Variants in SLC23A2 observed in about 807,000 individuals in gnomAD.
SLC23A2 encodes the protein solute carrier family 23 member 2, also known as Na(+)/L-ascorbic acid transporter 2.
SLC23A2 carries 36 observed loss-of-function variants against 73.3 expected under a neutral mutation model. The observed-to-expected ratio is 0.49, with a 90% CI of 0.38 to 0.65. SLC23A2 has a LOEUF of 0.65. Among genes scored for constraint, SLC23A2 ranks in the 30% least tolerant of loss-of-function variants. SLC23A2 has a pLI of 0.00. For synonymous variants in SLC23A2, 343 were observed against 327.3 expected (o/e 1.05, Z -0.52); for missense variants, 507 against 841.6 (o/e 0.60, Z 4.92).
chr20:5,006,923 C>T (rs1416053622), intron 1 of SLC23A2, among the ~76,000 whole-genome samples: 1 of 150,864 alleles, frequency 6.6e-6, no homozygotes, highest in African/African-American at 2.4e-5. Flanking sequence ...GGCTGCGTGG[C>T]AGGACCAAGA....
At chr20:4,941,121 A>C (rs1416988306) in intron 2 of SLC23A2, among the ~76,000 whole-genome samples, 4 of 151,566 alleles carry the variant, frequency 2.6e-5, no homozygotes, top group Non-Finnish European at 5.9e-5. Context: ...GCACCACTAC[A>C]CTCCAGCCTG....
intron 4 of SLC23A2, among the ~76,000 whole-genome samples, chr20:4,909,463 C>T (rs530198065): frequency 6.6e-6 from 1 of 152,180 alleles, no homozygotes; most frequent in Admixed American, 6.5e-5. Flanking sequence ...TACTATTAGA[C>T]AATCATGTTA....
At position 4,998,978 on chromosome 20, in the gene SLC23A2, T is replaced by C. The variant is rs1401520543; in HGVS notation, c.-282+2428A>G. Among the ~76,000 whole-genome samples, 4 of 151,998 alleles carry C rather than the reference T, an allele frequency of 2.6e-5. No individual in the cohort carries two copies. Among genetic ancestry groups the C allele is most frequent in the Non-Finnish European group, 4.4e-5 (3 of 68,004 alleles). ...CGCCACCATGCCCGGCTAACTTTTG[T>C]ATTTTTAGTAGAGACGAGGTTTCAC... On this transcript the variant is annotated intron_variant, in intron 1 of 16. Coordinates refer to ENST00000338244, the MANE Select transcript of SLC23A2 (RefSeq NM_005116.6). The surrounding 1 kb of genome is among the most constrained non-coding windows in gnomAD (Gnocchi z 4.1).
rs187699541 is a variant in SLC23A2 at position 4,874,945 on chromosome 20, T to C, written c.825-249A>G. On this transcript the variant is annotated intron_variant, in intron 9 of 16. Transcript: ENST00000338244. ...TCTTGATACTGAAATGAAATTCTGATGTAAATGCCTTAGGACAGCTTTTCC... is the reference window on the plus strand; with the variant it reads ...TCTTGATACTGAAATGAAATTCTGACGTAAATGCCTTAGGACAGCTTTTCC... Among the ~76,000 whole-genome samples the C allele has an allele frequency of 4.6e-5, 7 of 152,358 alleles. No homozygotes were observed. In the East Asian group the frequency reaches 1.3e-3, roughly 29 times the overall value.
intron 13 of SLC23A2, among the ~76,000 whole-genome samples, chr20:4,864,889 T>G (rs1355161067): frequency 2.6e-5 from 4 of 152,218 alleles, no homozygotes; most frequent in Non-Finnish European, 5.9e-5. Context: ...AGGGCCAAAC[T>G]GGCCCCAGGG....
chr20:4,912,825 A>G, intron 4 of SLC23A2, 55 bp downstream of exon 4: 1 of 1,120,662 alleles, frequency 8.9e-7, no homozygotes, highest in South Asian at 1.2e-5. Flanking sequence ...CCGGGGCAGC[A>G]CTTGTGGGAG....
Position 4,883,756 on chromosome 20 carries a change from G to T in SLC23A2, c.710C>A (p.Ala237Asp), listed in dbSNP as rs1270216459. ...VVIGLLGLPG[A>D]LLKYIGPLTI... is the part of the protein sequence containing the mutation. ...CAAGGGACCGATGTACTTCAGTAGA[G>T]CCCCAGGCAGGCCGAGGAGGCCGAT... The change falls in exon 9 of 17, where the codon GCT (alanine) becomes GAT (aspartate). Residue 237 changes from alanine (A) to aspartate (D), a missense_variant. This residue lies in a region of SLC23A2 where 217 missense variants were observed against 398.0 expected (regional missense o/e 0.55). Transcript: ENST00000338244. This position sits in a 1 kb window ranked among gnomAD's most constrained non-coding sequence, Gnocchi z 4.5. 6.2e-7 allele frequency: 1 copy of T among 1,613,720 alleles called. No individual in the cohort carries two copies. Among genetic ancestry groups the T allele is most frequent in the Non-Finnish European group, 8.5e-7 (1 of 1,179,798 alleles).
intron 2 of SLC23A2, among the ~76,000 whole-genome samples, chr20:4,963,556 T>C (rs2087426046): frequency 1.3e-5 from 2 of 150,940 alleles, no homozygotes; most frequent in Admixed American, 1.3e-4. Flanking sequence ...AAAAAAAATG[T>C]AAAAAATCTG....
intron 2 of SLC23A2, among the ~76,000 whole-genome samples, chr20:4,946,209 A>G (rs1776947): frequency 0.14 from 21,843 of 152,138 alleles, 2,580 homozygotes; most frequent in African/African-American, 0.32. Flanking sequence ...TACCACTGCC[A>G]AGTTCCATCT....
At chr20:4,982,597 C>T (rs556936054) in intron 1 of SLC23A2, among the ~76,000 whole-genome samples, 86 of 152,202 alleles carry the variant, frequency 5.7e-4, no homozygotes, top group African/African-American at 1.9e-3. Flanking sequence ...ACTCCCACTA[C>T]CCCATTTCAA....
At chr20:4,972,901 GA>G (rs1379235793) in intron 1 of SLC23A2, among the ~76,000 whole-genome samples, 1 of 152,098 alleles carries the variant, frequency 6.6e-6, no homozygotes, top group African/African-American at 2.4e-5. Context: ...ATGTTTATCA[GA>G]AATTTGCAAT....
chr20:4,942,374 C>CAAAAAAAAAA lies in SLC23A2; in HGVS notation c.-154-9668_-154-9659dup, dbSNP rs1216270773. On this transcript the variant is annotated intron_variant, in intron 2 of 16. Coordinates refer to ENST00000338244, the MANE Select transcript of SLC23A2 (RefSeq NM_005116.6). ...AGGAAGCAGGAAATCGCTACAGTCTCAAAAAAAAAAAAAAAAAAAAAGTCG... is the reference window on the plus strand; with the variant it reads ...AGGAAGCAGGAAATCGCTACAGTCTCAAAAAAAAAAAAAAAAAAAAAAAAAAAAAAAGTCG... Among the ~76,000 whole-genome samples, 340 of 47,356 alleles carry CAAAAAAAAAA rather than the reference C, an allele frequency of 7.2e-3. 2 individuals are homozygous for CAAAAAAAAAA. The highest frequency in any genetic ancestry group is 0.022 in the African/African-American group (326 of 14,744). 31.1% of individuals were successfully genotyped at this position (47,356 alleles called of 152,430 possible). A position where few individuals can be genotyped will look rare whatever the true frequency, so the allele number is the denominator to read the frequency against.
At chr20:4,903,089 G>GGA (rs11472731) in intron 4 of SLC23A2, among the ~76,000 whole-genome samples, 124,110 of 151,706 alleles carry the variant, frequency 0.82, 50,940 homozygotes, top group Non-Finnish European at 0.83. Flanking sequence ...GGTGAAAAGA[G>GGA]TAATTCTAAA....
intron 2 of SLC23A2, among the ~76,000 whole-genome samples, chr20:4,943,556 T>G (rs528872064): frequency 6.6e-6 from 1 of 150,872 alleles, no homozygotes; most frequent in East Asian, 1.9e-4. Flanking sequence ...CCGCCTGTAG[T>G]CCCAGTTATT....
rs1382436093 is a variant in SLC23A2 at position 4,947,218 on chromosome 20, A to G, written c.-154-14502T>C. On this transcript the variant is annotated intron_variant, in intron 2 of 16. Transcript: ENST00000338244. This position sits in a 1 kb window ranked among gnomAD's most constrained non-coding sequence, Gnocchi z 4.4. ...GCAGGGACACAGTGTCCAATGCATAAAAGGCATTCAAATACTTGGGGAAAT... is the reference window on the plus strand; with the variant it reads ...GCAGGGACACAGTGTCCAATGCATAGAAGGCATTCAAATACTTGGGGAAAT... Among the ~76,000 whole-genome samples, 1 of 152,176 alleles carries G rather than the reference A, an allele frequency of 6.6e-6. No homozygotes were observed. The highest frequency in any genetic ancestry group is 2.4e-5 in the African/African-American group (1 of 41,448).
intron 2 of SLC23A2, among the ~76,000 whole-genome samples, chr20:4,948,705 A>G (rs758438342): frequency 2.6e-5 from 4 of 152,222 alleles, no homozygotes; most frequent in Non-Finnish European, 5.9e-5. Context: ...CCTGTATGTT[A>G]TACACTCTTT....
chr20:4,939,049 C>G (rs1472192232), intron 2 of SLC23A2, among the ~76,000 whole-genome samples: 1 of 152,002 alleles, frequency 6.6e-6, no homozygotes, highest in Non-Finnish European at 1.5e-5. Flanking sequence ...TGAGAACAAC[C>G]TGGGCAAGAT....
At chr20:4,968,706 G>A (rs1055138285) in intron 2 of SLC23A2, among the ~76,000 whole-genome samples, 1 of 149,522 alleles carries the variant, frequency 6.7e-6, no homozygotes, top group Non-Finnish European at 1.5e-5. Flanking sequence ...CATTAAAAAG[G>A]TCAGGATGTG....
At chr20:4,962,403 A>C (rs2087407702) in intron 2 of SLC23A2, among the ~76,000 whole-genome samples, 1 of 152,200 alleles carries the variant, frequency 6.6e-6, no homozygotes, top group Non-Finnish European at 1.5e-5. Context: ...GGGAGGCAAG[A>C]GGAAGCCAGA....
Sources: allele counts gnomAD v4.1 joint callset (sites outside exome capture counted in the v4.1 genomes callset), GRCh38; gene constraint gnomAD v4.1.1; regional missense constraint gnomAD v4.1.1; non-coding constraint Gnocchi (gnomAD v3.1); transcripts MANE v1.5; gene names NCBI Gene and HGNC (gene_info 2026-07-23, HGNC 2026-07-21).